Variants in BOC observed in about 807,000 individuals in gnomAD.
BOC encodes BOC cell adhesion associated, oncogene regulated, also known as brother of CDO.
In BOC, 76 loss-of-function variants were observed where a neutral mutation model predicts 112.0. The observed-to-expected ratio is 0.68, with a 90% CI of 0.56 to 0.82. The LOEUF (loss-of-function observed/expected upper bound fraction) is 0.82. Among genes scored for constraint, BOC ranks in the 40% least tolerant of loss-of-function variants. BOC has a pLI of 0.00. For synonymous variants in BOC, 580 were observed against 599.8 expected, an observed-to-expected ratio of 0.97 and a Z score of 0.48; for missense variants, 1,309 against 1,511.7, an observed-to-expected ratio of 0.87 and a Z score of 2.22.
intron 4 of BOC, 98 bp from the exon 5 acceptor site, chr3:113,268,201 C>T: frequency 1.3e-6 from 2 of 1,529,512 alleles, no homozygotes; most frequent in Non-Finnish European, 1.8e-6. Context: ...TAGGTGTGAG[C>T]TTTGTCATGA....
chr3:113,243,015 T>C (rs942816028), intron 2 of BOC, among the ~76,000 whole-genome samples: 1 of 152,228 alleles, frequency 6.6e-6, no homozygotes, highest in Non-Finnish European at 1.5e-5. Context: ...GAGGTTGTCA[T>C]GTGTCACAAC....
chr3:113,255,945 C>T (rs1321883231), intron 4 of BOC, among the ~76,000 whole-genome samples: 1 of 152,234 alleles, frequency 6.6e-6, no homozygotes, highest in African/African-American at 2.4e-5. Context: ...AGCCTTAGCT[C>T]TGCCATTTAA....
chr3:113,252,386 A>G (rs1316813583), intron 4 of BOC, among the ~76,000 whole-genome samples: 1 of 152,182 alleles, frequency 6.6e-6, no homozygotes, highest in Non-Finnish European at 1.5e-5. Flanking sequence ...ACCCTTGTGG[A>G]TGACGTGCTT....
chr3:113,235,392 C>T (rs994366536), intron 2 of BOC, among the ~76,000 whole-genome samples: 18 of 152,190 alleles, frequency 1.2e-4, no homozygotes, highest in East Asian at 1.9e-4. Context: ...GAGGTGGGCT[C>T]CTCTCTGGGG....
intron 11 of BOC, chr3:113,279,005 G>A (rs997822412): frequency 1.4e-5 from 9 of 635,598 alleles, no homozygotes; most frequent in Non-Finnish European, 2.4e-5. Context: ...GCAGAGGCCA[G>A]AGCTGTGGTC....
chr3:113,272,370 G>C, intron 6 of BOC, 40 bp from the exon 7 acceptor site: 1 of 1,598,210 alleles, frequency 6.3e-7, no homozygotes, highest in South Asian at 1.1e-5. Flanking sequence ...GGACATCCTG[G>C]TCCACACGCC....
At chr3:113,273,523 TTAATTGCTGTATTTTAAA>T (rs1295414860) in intron 8 of BOC, among the ~76,000 whole-genome samples, 182 bp downstream of exon 8, 3 of 152,218 alleles carry the variant, frequency 2.0e-5, no homozygotes, top group African/African-American at 4.8e-5. Flanking sequence ...AATAACCCAT[TTAATTGCTGTATTTTAAA>T]AAAATATTTC....
intron 12 of BOC, 38 bp downstream of exon 12, chr3:113,279,493 C>T: frequency 6.3e-7 from 1 of 1,584,334 alleles, no homozygotes. Flanking sequence ...GGCCTGATCC[C>T]CCAGCTGCCC....
At chr3:113,245,763 G>T (rs1944845237) in intron 2 of BOC, among the ~76,000 whole-genome samples, 3 of 152,202 alleles carry the variant, frequency 2.0e-5, no homozygotes, top group Non-Finnish European at 4.4e-5. Flanking sequence ...TTTTAAGAAA[G>T]TCTCTTTGTG....
At position 113,285,368 on chromosome 3, in the gene BOC, G is replaced by A; in HGVS notation, c.2967-4G>A. 3.1e-6 allele frequency: 5 copies of A among 1,612,396 alleles called. No homozygotes were observed. Among genetic ancestry groups the A allele is most frequent in the Non-Finnish European group, 8.5e-7 (1 of 1,179,758 alleles). On this transcript the variant is annotated splice_region_variant and splice_polypyrimidine_tract_variant and intron_variant, in intron 18 of 19. Transcript: ENST00000682979. ...ACCTCCCCATCTGGGCTTGTGCACT[G>A]CAGGGGTCCCAAGTCTAGCCCGGAC...
At chr3:113,270,750 T>C (rs369486240) in intron 5 of BOC, 51 bp from the exon 6 acceptor site, 10 of 1,543,314 alleles carry the variant, frequency 6.5e-6, no homozygotes, top group Non-Finnish European at 7.0e-6. Flanking sequence ...AGCTGCAGAG[T>C]GAAGTATTCT....
intron 1 of BOC, among the ~76,000 whole-genome samples, chr3:113,214,936 T>A (rs1939051606): frequency 6.6e-6 from 1 of 152,254 alleles, no homozygotes; most frequent in African/African-American, 2.4e-5. Context: ...AAATGTTTTT[T>A]AAATTATCCA....
intron 16 of BOC, 132 bp from the exon 17 acceptor site, chr3:113,284,203 G>C: frequency 1.4e-6 from 1 of 726,884 alleles, no homozygotes; most frequent in Non-Finnish European, 2.4e-6. Flanking sequence ...CCATCGCTTG[G>C]GCACTGTCAA....
chr3:113,251,543 C>T (rs1218307721), intron 4 of BOC: 1 of 153,554 alleles, frequency 6.5e-6, no homozygotes, highest in Non-Finnish European at 1.4e-5. Flanking sequence ...CATGTTGTTA[C>T]ACTCAGTATA....
At chr3:113,256,597 A>T (rs1393931106) in intron 4 of BOC, among the ~76,000 whole-genome samples, 8 of 152,240 alleles carry the variant, frequency 5.3e-5, no homozygotes, top group Non-Finnish European at 1.2e-4. Context: ...GCTAATTCCC[A>T]TCACACACTT....
intron 17 of BOC, 21 bp downstream of exon 17, chr3:113,284,588 G>T (rs1294113556): frequency 6.2e-7 from 1 of 1,600,252 alleles, no homozygotes; most frequent in Admixed American, 1.7e-5. Flanking sequence ...CTTGGGTGTG[G>T]GCGGCAGGTA....
intron 2 of BOC, among the ~76,000 whole-genome samples, chr3:113,223,832 T>G (rs1941181901): frequency 6.6e-6 from 1 of 152,220 alleles, no homozygotes; most frequent in African/African-American, 2.4e-5. Context: ...GAGCCCAAAG[T>G]TGTGCGCTGA....
In BOC at chr3:113,272,513, C is replaced by A; in HGVS notation, c.771C>A (p.Ile257=). Reference sequence around the variant, plus strand: ...TTCTGGAGTGTGTGGCCAGTGGAATCCCACCCCCACGGGTCACCTGGGCCA... The same window carrying A: ...TTCTGGAGTGTGTGGCCAGTGGAATACCACCCCCACGGGTCACCTGGGCCA... ...SLILECVASG[I]PPPRVTWAKD... is the part of the protein sequence containing the mutation. Residue 257 remains isoleucine (I), a synonymous_variant, in exon 7 of 20, where the codon ATC becomes ATA. Coordinates refer to ENST00000682979, the MANE Select transcript of BOC (RefSeq NM_001378074.1). 6.2e-7 allele frequency: 1 copy of A among 1,614,084 alleles called. No individual in the cohort carries two copies. The highest frequency in any genetic ancestry group is 8.5e-7 in the Non-Finnish European group (1 of 1,180,002).
At chr3:113,227,096 C>G (rs1559808361) in intron 2 of BOC, among the ~76,000 whole-genome samples, 4 of 152,174 alleles carry the variant, frequency 2.6e-5, no homozygotes, top group Non-Finnish European at 5.9e-5. Context: ...TTGATGGTCT[C>G]TATTATTATC....
Sources: allele counts gnomAD v4.1 joint callset (sites outside exome capture counted in the v4.1 genomes callset), GRCh38; gene constraint gnomAD v4.1.1; transcripts MANE v1.5; gene names NCBI Gene and HGNC (gene_info 2026-07-23, HGNC 2026-07-21).